The following PLD1 variants were observed in gnomAD, a reference collection of about 807,000 sequenced individuals.
PLD1 encodes the protein choline phosphatase 1.
PLD1 carries 112 observed loss-of-function variants against 137.1 expected under a neutral mutation model. The observed-to-expected ratio is 0.82, with a 90% CI of 0.70 to 0.96. The LOEUF is 0.96. PLD1 is among the 40% of genes least tolerant of loss of function. PLD1 has a pLI of 0.00. For missense variants in PLD1, 1,321 were observed against 1,342.0 expected, an observed-to-expected ratio of 0.98 and a Z score of 0.24; for synonymous variants, 431 against 454.7, an observed-to-expected ratio of 0.95 and a Z score of 0.66.
At chr3:171,615,607 T>C (rs948155672) in intron 24 of PLD1, among the ~76,000 whole-genome samples, 27 of 152,246 alleles carry the variant, frequency 1.8e-4, no homozygotes, top group African/African-American at 6.5e-4. Flanking sequence ...ACTTCTGACT[T>C]GTTTTTAATT....
intron 1 of PLD1, among the ~76,000 whole-genome samples, chr3:171,770,114 C>G (rs1188608648): frequency 6.6e-6 from 1 of 152,204 alleles, no homozygotes; most frequent in East Asian, 1.9e-4. Context: ...ATGTCTTTCT[C>G]TGTGCTTAAT....
At chr3:171,772,078 GTCAA>G (rs1463955746) in intron 1 of PLD1, among the ~76,000 whole-genome samples, 2 of 152,196 alleles carry the variant, frequency 1.3e-5, no homozygotes, top group African/African-American at 4.8e-5. Context: ...GAAAAATGTA[GTCAA>G]TCAATTCCTT....
chr3:171,639,820 TTCTC>T (rs778938858), intron 23 of PLD1, among the ~76,000 whole-genome samples: 40 of 118,040 alleles, frequency 3.4e-4, no homozygotes, highest in South Asian at 1.2e-3. Flanking sequence ...TTTACATAAT[TTCTC>T]TCTCTCTCTC....
intron 1 of PLD1, among the ~76,000 whole-genome samples, chr3:171,745,850 G>A (rs999060101): frequency 2.0e-5 from 3 of 152,094 alleles, no homozygotes; most frequent in Non-Finnish European, 4.4e-5. Flanking sequence ...GGCTGGCGGA[G>A]GCCAGAGCCA....
chr3:171,770,618 A>G (rs980844455), intron 1 of PLD1, among the ~76,000 whole-genome samples: 1 of 152,180 alleles, frequency 6.6e-6, no homozygotes, highest in African/African-American at 2.4e-5. Context: ...AAGGTGGCTC[A>G]CGCCTGTAAT....
intron 21 of PLD1, chr3:171,654,017 C>A: frequency 3.2e-6 from 1 of 311,266 alleles, no homozygotes; most frequent in Admixed American, 4.6e-5. Context: ...TACAGGCAAG[C>A]AGTAGCTCTT....
At chr3:171,782,582 A>G (rs527398708) in intron 1 of PLD1, among the ~76,000 whole-genome samples, 1 of 152,356 alleles carries the variant, frequency 6.6e-6, no homozygotes, top group East Asian at 1.9e-4. Flanking sequence ...CAAGCAATAA[A>G]GCAAACTATT....
intron 1 of PLD1, among the ~76,000 whole-genome samples, chr3:171,766,374 T>C (rs1721974104): frequency 6.6e-6 from 1 of 152,114 alleles, no homozygotes; most frequent in African/African-American, 2.4e-5. Context: ...AAAATATAAA[T>C]CATCAGAAAT....
chr3:171,623,228 C>T (rs1733782693), intron 23 of PLD1, among the ~76,000 whole-genome samples: 1 of 151,582 alleles, frequency 6.6e-6, no homozygotes, highest in Non-Finnish European at 1.5e-5. Flanking sequence ...GTTAGATAAC[C>T]TGTAGTTTGT....
At chr3:171,659,095 C>G (rs1236725674) in intron 21 of PLD1, 118 bp downstream of exon 21, 1 of 725,324 alleles carries the variant, frequency 1.4e-6, no homozygotes, top group African/African-American at 1.8e-5. Flanking sequence ...CTATTGCTGG[C>G]TGAACCAAAT....
At position 171,738,086 on chromosome 3, in the gene PLD1, G is replaced by C; in HGVS notation, c.-31-4C>G. The C allele has an allele frequency of 6.4e-7, 1 of 1,553,520 alleles. No homozygotes were observed. The highest frequency in any genetic ancestry group is 1.8e-4 in the Middle Eastern group (1 of 5,696). On this transcript the variant is annotated splice_polypyrimidine_tract_variant and splice_region_variant and intron_variant, in intron 1 of 26. Coordinates refer to ENST00000351298, the MANE Select transcript of PLD1 (RefSeq NM_002662.5). ...GGACAGAGTAAAAGCAAAGGGGCTA[G>C]GAAAGAAGAAAACGGTTACAAAGAC...
intron 23 of PLD1, among the ~76,000 whole-genome samples, chr3:171,637,346 G>A (rs929486822): frequency 3.9e-5 from 6 of 151,956 alleles, no homozygotes; most frequent in Non-Finnish European, 7.4e-5. Context: ...AGCGATTCTC[G>A]TGCCTCAGCC....
chr3:171,735,162 T>C (rs569914940), intron 4 of PLD1, among the ~76,000 whole-genome samples, 192 bp from the exon 5 acceptor site: 1 of 152,366 alleles, frequency 6.6e-6, no homozygotes, highest in African/African-American at 2.4e-5. Flanking sequence ...TTGGATGTAC[T>C]CTGTCACCCA....
chr3:171,616,878 C>T (rs761677929), intron 24 of PLD1, among the ~76,000 whole-genome samples: 3 of 152,122 alleles, frequency 2.0e-5, no homozygotes, highest in Non-Finnish European at 4.4e-5. Flanking sequence ...TAATGGGAAA[C>T]GAACGCACGA....
chr3:171,636,518 CT>C (rs1376560085), intron 23 of PLD1, among the ~76,000 whole-genome samples: 1 of 151,692 alleles, frequency 6.6e-6, no homozygotes, highest in Non-Finnish European at 1.5e-5. Context: ...ATATTTAATT[CT>C]TTTGATGCTA....
At chr3:171,746,083 G>C (rs147794161) in intron 1 of PLD1, among the ~76,000 whole-genome samples, 1 of 152,158 alleles carries the variant, frequency 6.6e-6, no homozygotes, top group South Asian at 2.1e-4. Context: ...CCGCCCCACT[G>C]CGCTTGAATT....
At chr3:171,700,050 C>G (rs1434680740) in intron 11 of PLD1, among the ~76,000 whole-genome samples, 2 of 151,970 alleles carry the variant, frequency 1.3e-5, no homozygotes, top group African/African-American at 4.8e-5. Context: ...CTCTCTCTCT[C>G]TCTCCCCCCT....
At chr3:171,687,319 A>T in intron 15 of PLD1, 52 bp downstream of exon 15, 1 of 1,428,972 alleles carries the variant, frequency 7.0e-7, no homozygotes. Context: ...GTGTCTGGCT[A>T]TGGAAGAACA....
intron 1 of PLD1, among the ~76,000 whole-genome samples, chr3:171,766,663 A>G (rs1721996692): frequency 6.6e-6 from 1 of 152,198 alleles, no homozygotes; most frequent in South Asian, 2.1e-4. Flanking sequence ...GTAATAAATA[A>G]TGCTTCAATT....
Sources: gnomAD v4.1 joint callset for allele counts (sites outside exome capture counted in the v4.1 genomes callset) on GRCh38, gnomAD v4.1.1 for gene constraint, MANE v1.5 for transcripts, NCBI Gene and HGNC (gene_info 2026-07-23, HGNC 2026-07-21) for gene names.